The following WDR20 variants were observed in gnomAD, a reference collection of about 807,000 sequenced individuals.
WDR20 encodes the protein WD repeat domain 20.
In WDR20, 3 loss-of-function variants were observed where a neutral mutation model predicts 38.7. The observed-to-expected ratio is 0.08, with a 90% CI of 0.04 to 0.20. The LOEUF is 0.20. WDR20 is among the 10% of genes least tolerant of loss of function. The pLI is 1.00. For missense variants in WDR20, 559 were observed against 727.7 expected (o/e 0.77, Z 2.67); for synonymous variants, 298 against 285.6 (o/e 1.04, Z -0.44).
chr14:102,174,070 C>T (rs1192855078), intron 1 of WDR20, among the ~76,000 whole-genome samples: 2 of 151,386 alleles, frequency 1.3e-5, no homozygotes, highest in Non-Finnish European at 2.9e-5. Flanking sequence ...GAATAATGGT[C>T]TCCAGCTTCA....
In WDR20 at chr14:102,209,874, T is replaced by C; in HGVS notation, c.1704T>C (p.Asn568=). 1.2e-6 allele frequency: 2 copies of C among 1,603,172 alleles called. No homozygotes were observed. The highest frequency in any genetic ancestry group is 3.4e-5 in the Admixed American group (2 of 58,928). The change falls in exon 3 of 3, where the codon AAT becomes AAC. Residue 568 remains asparagine (N), a synonymous_variant. Coordinates refer to ENST00000342702, the MANE Select transcript of WDR20 (RefSeq NM_144574.4). The surrounding 1 kb of genome is among the most constrained non-coding windows in gnomAD (Gnocchi z 6.0). ...WGRPGKVVSF[N]P ...GGCCTGGTAAAGTGGTAAGTTTTAATCCTTAATGCTGCACCAGATCTAGAA... is the reference window on the plus strand; with the variant it reads ...GGCCTGGTAAAGTGGTAAGTTTTAACCCTTAATGCTGCACCAGATCTAGAA...
intron 1 of WDR20, among the ~76,000 whole-genome samples, chr14:102,189,632 G>A (rs938015427): frequency 2.6e-5 from 4 of 152,120 alleles, no homozygotes; most frequent in Non-Finnish European, 5.9e-5. Context: ...CAGAATCTGA[G>A]TGGAAAAAAA....
At chr14:102,164,009 T>C (rs1383967794) in intron 1 of WDR20, among the ~76,000 whole-genome samples, 2 of 152,188 alleles carry the variant, frequency 1.3e-5, no homozygotes, top group African/African-American at 4.8e-5. Flanking sequence ...AATTTAAAAA[T>C]GATGGCTGTT....
At chr14:102,193,444 C>A in intron 1 of WDR20, 1 of 1,611,106 alleles carries the variant, frequency 6.2e-7, no homozygotes, top group South Asian at 1.1e-5. Flanking sequence ...TGTATATATT[C>A]TCTTATTTCA....
intron 1 of WDR20, among the ~76,000 whole-genome samples, chr14:102,142,626 A>G (rs763193105): frequency 1.3e-5 from 2 of 151,798 alleles, no homozygotes; most frequent in Non-Finnish European, 2.9e-5. Context: ...ATTAAAAAAA[A>G]AAATGTTTTT....
intron 1 of WDR20, chr14:102,167,615 C>T (rs1361906938): frequency 1.3e-5 from 2 of 152,224 alleles, no homozygotes; most frequent in African/African-American, 4.8e-5. Context: ...TCCTTGAAAT[C>T]TTAGCTCATA....
At chr14:102,223,056 C>A in exon 4 of WDR20, 1 of 639,652 alleles carries the variant, frequency 1.6e-6, no homozygotes, top group Non-Finnish European at 2.6e-6. Context: ...TCCCGCTGCT[C>A]ACCCAAAGAA....
intron 1 of WDR20, among the ~76,000 whole-genome samples, chr14:102,186,931 C>G (rs1230063601): frequency 1.4e-5 from 2 of 147,926 alleles, no homozygotes; most frequent in Non-Finnish European, 3.0e-5. Flanking sequence ...GCCTGGGGGA[C>G]AGAACGAGAC....
intron 1 of WDR20, among the ~76,000 whole-genome samples, chr14:102,155,746 C>A (rs1216532821): frequency 6.6e-6 from 1 of 151,712 alleles, no homozygotes; most frequent in East Asian, 1.9e-4. Context: ...AATAATGGGA[C>A]CTGTGGCAAT....
At chr14:102,214,145 G>T (rs762548323), downstream of WDR20, 293 of 985,518 alleles carry the variant, frequency 3.0e-4, no homozygotes, top group Non-Finnish European at 3.5e-4. Context: ...CTCCACATGC[G>T]TGGGTAGGGG....
At chr14:102,194,770 G>T (rs1304791537) in intron 1 of WDR20, among the ~76,000 whole-genome samples, 168 bp from the exon 2 acceptor site, 19 of 152,212 alleles carry the variant, frequency 1.2e-4, no homozygotes, top group Admixed American at 1.2e-3. Flanking sequence ...TAAGGTATGT[G>T]AAAGTGCTTT....
chr14:102,202,525 A>G (rs1010233081), intron 2 of WDR20, among the ~76,000 whole-genome samples: 8 of 151,216 alleles, frequency 5.3e-5, no homozygotes, highest in East Asian at 3.9e-4. Flanking sequence ...GACTACAGGC[A>G]CCCGCCACCA....
chr14:102,145,929 A>G (rs1384645180), intron 1 of WDR20, among the ~76,000 whole-genome samples: 2 of 152,124 alleles, frequency 1.3e-5, no homozygotes, highest in Non-Finnish European at 2.9e-5. Flanking sequence ...GGTAGGAAGT[A>G]GATTTAGAGG....
At chr14:102,149,124 T>C (rs2152708961) in intron 1 of WDR20, among the ~76,000 whole-genome samples, 1 of 152,264 alleles carries the variant, frequency 6.6e-6, no homozygotes, top group East Asian at 1.9e-4. Flanking sequence ...ATCGTGCCAC[T>C]GCACTCCAGC....
intron 1 of WDR20, among the ~76,000 whole-genome samples, chr14:102,148,771 C>T (rs544261034): frequency 3.3e-4 from 50 of 151,792 alleles, no homozygotes; most frequent in African/African-American, 1.2e-3. Context: ...TAGCTCACTG[C>T]AGCTTCAACC....
At chr14:102,143,740 T>C (rs2152676050) in intron 1 of WDR20, among the ~76,000 whole-genome samples, 1 of 152,050 alleles carries the variant, frequency 6.6e-6, no homozygotes, top group Middle Eastern at 3.4e-3. Flanking sequence ...AGATGGGGTT[T>C]CATCATATTG....
chr14:102,147,854 C>G (rs1238270820), intron 1 of WDR20, among the ~76,000 whole-genome samples: 1 of 152,174 alleles, frequency 6.6e-6, no homozygotes, highest in African/African-American at 2.4e-5. Flanking sequence ...CCTCAGCCTC[C>G]CGAGTAACTG....
rs554826886 is a variant in WDR20, at chr14:102,209,273, G to A, written c.1103G>A (p.Arg368Gln). ...AGCCGCCCCGTAAGTGTCACGTATC[G>A]GTTTGGTTCCGTGGGCCAGGACACA... ...TDSRPVSVTYRFGSVGQDTQL... is the reference protein window; with the variant it reads ...TDSRPVSVTYQFGSVGQDTQL... The change falls in exon 3 of 3, where the codon CGG becomes CAG. Residue 368 changes from arginine (R) to glutamine (Q), a missense_variant. Coordinates refer to ENST00000342702, the MANE Select transcript of WDR20 (RefSeq NM_144574.4). The surrounding 1 kb of genome is among the most constrained non-coding windows in gnomAD (Gnocchi z 6.0). 2.6e-5 allele frequency: 42 copies of A among 1,613,980 alleles called. No homozygotes were observed. The highest frequency in any genetic ancestry group is 3.4e-5 in the Non-Finnish European group (40 of 1,180,036).
rs1458688111 is a variant in WDR20, at chr14:102,207,082, G to C, written c.433-1521G>C. On this transcript the variant is annotated intron_variant, in intron 2 of 2. Transcript: ENST00000342702. This position sits in a 1 kb window ranked among gnomAD's most constrained non-coding sequence, Gnocchi z 5.0. ...GAGGTGGGGGATGAAAATACTGGCT[G>C]TGTCCCCAAGGCTGGCTTGCCACGT... 2.0e-5 allele frequency among the ~76,000 whole-genome samples: 3 copies of C among 152,236 alleles called. No individual in the cohort carries two copies.
Sources: gnomAD v4.1 joint callset for allele counts (sites outside exome capture counted in the v4.1 genomes callset) on GRCh38, gnomAD v4.1.1 for gene constraint, Gnocchi (gnomAD v3.1) non-coding constraint, MANE v1.5 for transcripts, NCBI Gene and HGNC (gene_info 2026-07-23, HGNC 2026-07-21) for gene names.